The following MTHFD2L variants were observed in gnomAD, a reference collection of about 807,000 sequenced individuals.
MTHFD2L encodes the protein methylenetetrahydrofolate dehydrogenase (NADP+ dependent) 2 like.
MTHFD2L carries 29 observed loss-of-function variants against 34.9 expected under a neutral mutation model. That is an observed-to-expected ratio of 0.83 (90% CI 0.62 to 1.13). The LOEUF is 1.13. MTHFD2L is among the 50% of genes most tolerant of loss of function. MTHFD2L has a pLI of 0.00. For synonymous variants in MTHFD2L, 167 were observed against 155.7 expected (o/e 1.07, Z -0.54); for missense variants, 481 against 446.5 (o/e 1.08, Z -0.70).
chr4:74,180,010 T>C (rs919548797), intron 3 of MTHFD2L, among the ~76,000 whole-genome samples: 1 of 152,112 alleles, frequency 6.6e-6, no homozygotes, highest in African/African-American at 2.4e-5. Flanking sequence ...ATCATTCAGC[T>C]TAGTTTTCTT....
chr4:74,219,089 G>T (rs1374901283), intron 5 of MTHFD2L, among the ~76,000 whole-genome samples: 1 of 151,976 alleles, frequency 6.6e-6, no homozygotes, highest in Non-Finnish European at 1.5e-5. Flanking sequence ...TTTAAAGTGT[G>T]TAGGAGTATA....
At chr4:74,147,238 A>G (rs933520435) in intron 1 of MTHFD2L, among the ~76,000 whole-genome samples, 3 of 151,920 alleles carry the variant, frequency 2.0e-5, no homozygotes, top group African/African-American at 7.3e-5. Context: ...ACCTGGGTAG[A>G]GGTTCTTTAC....
At chr4:74,230,046 T>C (rs1739779175) in intron 6 of MTHFD2L, among the ~76,000 whole-genome samples, 1 of 152,200 alleles carries the variant, frequency 6.6e-6, no homozygotes, top group African/African-American at 2.4e-5. Flanking sequence ...AGATTATAAC[T>C]ACAATAAGAA....
At chr4:74,261,111 G>T (rs1421804487) in intron 6 of MTHFD2L, among the ~76,000 whole-genome samples, 1 of 151,964 alleles carries the variant, frequency 6.6e-6, no homozygotes, top group Non-Finnish European at 1.5e-5. Context: ...ATATTTTCCA[G>T]CATTGTATTG....
chr4:74,296,697 A>G (rs1002370301), intron 7 of MTHFD2L, among the ~76,000 whole-genome samples: 2 of 152,006 alleles, frequency 1.3e-5, no homozygotes, highest in African/African-American at 4.8e-5. Flanking sequence ...TCTCACTTCA[A>G]ACATTAGTTC....
chr4:74,269,149 C>T (rs1465078021), intron 6 of MTHFD2L, among the ~76,000 whole-genome samples: 1 of 152,074 alleles, frequency 6.6e-6, no homozygotes, highest in African/African-American at 2.4e-5. Context: ...CTAAGTTTCC[C>T]AAGGAGACTG....
At chr4:74,116,808 A>AT (rs1721662209) in intron 2 of MTHFD2L, among the ~76,000 whole-genome samples, 1 of 152,124 alleles carries the variant, frequency 6.6e-6, no homozygotes, top group African/African-American at 2.4e-5. Context: ...GTTCAAAGAG[A>AT]TTTTTCTTTC....
At chr4:74,160,567 G>A (rs1254062279) in intron 1 of MTHFD2L, 1 of 152,518 alleles carries the variant, frequency 6.6e-6, no homozygotes, top group Non-Finnish European at 1.5e-5. Flanking sequence ...TTATGCATGA[G>A]AATTTAGGTC....
chr4:74,130,853 A>C lies in MTHFD2L; in HGVS notation c.-297+5336A>C, dbSNP rs1722441933. On this transcript the variant is annotated intron_variant, in intron 1 of 7. Transcript: ENST00000433372. ...TCAGAAAACCCCATCATATCAGCCCAAAATCTCCTTAAGCTTTATCAGCAA... is the reference window on the plus strand; with the variant it reads ...TCAGAAAACCCCATCATATCAGCCCCAAATCTCCTTAAGCTTTATCAGCAA... Among the ~76,000 whole-genome samples the C allele has an allele frequency of 2.0e-5, 3 of 152,210 alleles. No individual in the cohort carries two copies. In the South Asian group the frequency reaches 6.2e-4, roughly 31 times the overall value.
At chr4:74,212,587 A>G (rs1268931234) in intron 5 of MTHFD2L, among the ~76,000 whole-genome samples, 2 of 151,974 alleles carry the variant, frequency 1.3e-5, no homozygotes, top group Non-Finnish European at 2.9e-5. Flanking sequence ...ATTCTTTTAT[A>G]TTTGCTGAGG....
intron 6 of MTHFD2L, among the ~76,000 whole-genome samples, chr4:74,275,535 A>G (rs934190751): frequency 5.9e-5 from 9 of 152,242 alleles, no homozygotes; most frequent in African/African-American, 1.9e-4. Flanking sequence ...GTCTTCCACA[A>G]TGGTTGAACT....
chr4:74,268,151 C>T (rs923896451), intron 6 of MTHFD2L: 1 of 983,928 alleles, frequency 1.0e-6, no homozygotes, highest in Non-Finnish European at 1.2e-6. Context: ...CTAGAAATAA[C>T]AGGAGGATAC....
At chr4:74,149,597 T>G (rs1723806490) in intron 1 of MTHFD2L, among the ~76,000 whole-genome samples, 1 of 152,232 alleles carries the variant, frequency 6.6e-6, no homozygotes, top group Non-Finnish European at 1.5e-5. Flanking sequence ...TAAATTATTT[T>G]TAAATCAAAA....
At chr4:74,265,561 G>A (rs1231762666) in intron 6 of MTHFD2L, among the ~76,000 whole-genome samples, 1 of 152,000 alleles carries the variant, frequency 6.6e-6, no homozygotes, top group East Asian at 1.9e-4. Flanking sequence ...TACTATTATC[G>A]CAATTATACA....
At chr4:74,250,502 C>T (rs1248308082) in intron 6 of MTHFD2L, among the ~76,000 whole-genome samples, 1 of 152,068 alleles carries the variant, frequency 6.6e-6, no homozygotes, top group African/African-American at 2.4e-5. Flanking sequence ...ATGGTTTTAT[C>T]CCTCACACCT....
intron 1 of MTHFD2L, among the ~76,000 whole-genome samples, chr4:74,132,138 G>C (rs1365631330): frequency 6.6e-6 from 1 of 152,128 alleles, no homozygotes; most frequent in Non-Finnish European, 1.5e-5. Context: ...TTATATTGTT[G>C]GTGGGAGAAT....
chr4:74,189,985 A>G (rs1732183532), intron 3 of MTHFD2L, among the ~76,000 whole-genome samples: 1 of 152,190 alleles, frequency 6.6e-6, no homozygotes, highest in African/African-American at 2.4e-5. Flanking sequence ...CCTAGAATTT[A>G]TGTAACTCTG....
At chr4:74,224,810 C>T (rs1402177895) in intron 5 of MTHFD2L, among the ~76,000 whole-genome samples, 24 of 152,082 alleles carry the variant, frequency 1.6e-4, no homozygotes. Context: ...AACACTTCTG[C>T]TCATGCATTA....
At chr4:74,233,495 T>G (rs1427294196) in intron 6 of MTHFD2L, among the ~76,000 whole-genome samples, 1 of 152,098 alleles carries the variant, frequency 6.6e-6, no homozygotes, top group Non-Finnish European at 1.5e-5. Context: ...GGCTACTAAG[T>G]GAAGGTAGTT....
Sources: gnomAD v4.1 joint callset for allele counts (sites outside exome capture counted in the v4.1 genomes callset) on GRCh38, gnomAD v4.1.1 for gene constraint, MANE v1.5 for transcripts, NCBI Gene and HGNC (gene_info 2026-07-23, HGNC 2026-07-21) for gene names.